Variants in SIPA1L3 observed in about 807,000 individuals in gnomAD.
SIPA1L3 encodes signal induced proliferation associated 1 like 3, also known as signal-induced proliferation-associated 1-like protein 3.
In SIPA1L3, 59 loss-of-function variants were observed where a neutral mutation model predicts 150.1. The observed-to-expected ratio is 0.39, with a 90% CI of 0.32 to 0.49. SIPA1L3 has a LOEUF of 0.49. Among genes scored for constraint, SIPA1L3 ranks in the 20% least tolerant of loss-of-function variants. The pLI is 0.86. For missense variants in SIPA1L3, 2,211 were observed against 2,489.5 expected (o/e 0.89, Z 2.38); for synonymous variants, 1,070 against 1,077.6 (o/e 0.99, Z 0.14).
intron 2 of SIPA1L3, among the ~76,000 whole-genome samples, chr19:38,034,633 TC>T (rs1226612396): frequency 6.6e-6 from 1 of 152,112 alleles, no homozygotes; most frequent in Non-Finnish European, 1.5e-5. Flanking sequence ...GAAGTTGTGA[TC>T]ATTAAAAAAC....
At chr19:38,019,555 G>A (rs1258298315) in intron 1 of SIPA1L3, among the ~76,000 whole-genome samples, 1 of 152,220 alleles carries the variant, frequency 6.6e-6, no homozygotes, top group African/African-American at 2.4e-5. Flanking sequence ...ATCCTGAGAA[G>A]GAAGAGAAGA....
At chr19:38,157,328 C>T (rs1971971557) in intron 13 of SIPA1L3, among the ~76,000 whole-genome samples, 1 of 152,140 alleles carries the variant, frequency 6.6e-6, no homozygotes, top group Non-Finnish European at 1.5e-5. Flanking sequence ...CATGTTTAGT[C>T]GTCTCAGGAA....
chr19:37,979,889 C>T (rs530753972), intron 1 of SIPA1L3, among the ~76,000 whole-genome samples: 26 of 152,348 alleles, frequency 1.7e-4, no homozygotes, highest in Non-Finnish European at 2.9e-4. Flanking sequence ...GTTCGGCTGG[C>T]GGTGGGTCTG....
intron 2 of SIPA1L3, among the ~76,000 whole-genome samples, chr19:38,043,468 T>A (rs1482064032): frequency 2.0e-5 from 3 of 152,252 alleles, no homozygotes. Context: ...TTGTTATCAC[T>A]GCAGAAATAT....
intron 1 of SIPA1L3, among the ~76,000 whole-genome samples, chr19:37,960,780 C>T (rs1202077683): frequency 1.3e-5 from 2 of 151,906 alleles, no homozygotes; most frequent in African/African-American, 4.8e-5. Flanking sequence ...TCTTGAACTC[C>T]TGGACCCTAG....
chr19:38,055,391 CT>C (rs1367233555), intron 2 of SIPA1L3, among the ~76,000 whole-genome samples: 1 of 152,206 alleles, frequency 6.6e-6, no homozygotes, highest in Non-Finnish European at 1.5e-5. Flanking sequence ...GTTGCACCCC[CT>C]GATATGACAT....
chr19:38,101,321 G>A (rs764547133), intron 6 of SIPA1L3, 95 bp downstream of exon 6: 6 of 859,290 alleles, frequency 7.0e-6, no homozygotes, highest in Non-Finnish European at 1.0e-5. Flanking sequence ...CGGTGGGGAC[G>A]TGGAGCAGTG....
intron 9 of SIPA1L3, among the ~76,000 whole-genome samples, chr19:38,120,469 C>T (rs1025418815): frequency 2.0e-5 from 3 of 151,478 alleles, no homozygotes; most frequent in East Asian, 1.9e-4. Flanking sequence ...GAGACCCTGT[C>T]TCAAAAACAA....
At chr19:38,170,090 G>GC (rs34626972) in intron 15 of SIPA1L3, among the ~76,000 whole-genome samples, 2 of 152,056 alleles carry the variant, frequency 1.3e-5, no homozygotes, top group African/African-American at 4.8e-5. Flanking sequence ...CCCAAAGGGG[G>GC]CCCCCCTAAC....
At chr19:38,108,279 G>A (rs1031333178) in intron 7 of SIPA1L3, among the ~76,000 whole-genome samples, 3 of 151,540 alleles carry the variant, frequency 2.0e-5, no homozygotes, top group Non-Finnish European at 4.4e-5. Context: ...AGCTTGAGTC[G>A]TAGAGTTAAG....
intron 1 of SIPA1L3, among the ~76,000 whole-genome samples, chr19:37,957,463 T>G (rs1237940886): frequency 3.3e-5 from 5 of 152,248 alleles, no homozygotes; most frequent in Non-Finnish European, 5.9e-5. Flanking sequence ...TTTTCAGTGC[T>G]TGTAGCTTTC....
intron 1 of SIPA1L3, among the ~76,000 whole-genome samples, chr19:37,958,476 G>A (rs529778175): frequency 6.6e-6 from 1 of 151,914 alleles, no homozygotes; most frequent in East Asian, 1.9e-4. Context: ...AAAGAATGAA[G>A]TTGGACCCTT....
intron 13 of SIPA1L3, among the ~76,000 whole-genome samples, chr19:38,159,150 T>C (rs1972017998): frequency 6.6e-6 from 1 of 152,208 alleles, no homozygotes; most frequent in Admixed American, 6.5e-5. Context: ...CTTTCTCGCA[T>C]CCATGGTTCC....
chr19:38,144,730 C>T (rs556118550), intron 12 of SIPA1L3, among the ~76,000 whole-genome samples: 1 of 152,250 alleles, frequency 6.6e-6, no homozygotes, highest in African/African-American at 2.4e-5. Flanking sequence ...TACTCAATTA[C>T]GAGGGGGTTC....
chr19:38,163,902 G>T (rs1488939394), intron 14 of SIPA1L3, among the ~76,000 whole-genome samples: 6 of 152,210 alleles, frequency 3.9e-5, no homozygotes, highest in South Asian at 2.1e-4. Context: ...CTGGCTGCGT[G>T]TGGGGAATAA....
chr19:37,954,208 C>T (rs1432937183), intron 1 of SIPA1L3, among the ~76,000 whole-genome samples: 1 of 151,950 alleles, frequency 6.6e-6, no homozygotes, highest in African/African-American at 2.4e-5. Flanking sequence ...AAAAATGTTC[C>T]CTTTGAACAA....
intron 3 of SIPA1L3, among the ~76,000 whole-genome samples, chr19:38,088,059 A>G (rs1393237318): frequency 1.3e-5 from 2 of 152,250 alleles, no homozygotes; most frequent in Non-Finnish European, 2.9e-5. Context: ...GTAAAGAAAC[A>G]TGGTGAGATA....
intron 8 of SIPA1L3, among the ~76,000 whole-genome samples, chr19:38,111,091 A>G (rs1487354722): frequency 2.7e-5 from 4 of 150,548 alleles, no homozygotes; most frequent in Non-Finnish European, 5.9e-5. Context: ...TGGTGCAGTC[A>G]TAGCTCACTG....
chr19:37,983,497 C>T (rs538238688), intron 1 of SIPA1L3, among the ~76,000 whole-genome samples: 113 of 151,884 alleles, frequency 7.4e-4, no homozygotes, highest in African/African-American at 2.0e-3. Flanking sequence ...CGTGCAGTAG[C>T]GTTGACCATG....
Sources: allele counts gnomAD v4.1 joint callset (sites outside exome capture counted in the v4.1 genomes callset), GRCh38; gene constraint gnomAD v4.1.1; transcripts MANE v1.5; gene names NCBI Gene and HGNC (gene_info 2026-07-23, HGNC 2026-07-21).